ASB10: variants seen among roughly 807,000 people sequenced by gnomAD.
ASB10 encodes the protein ankyrin repeat and SOCS box containing 10.
ASB10 carries 44 observed loss-of-function variants against 35.4 expected under a neutral mutation model. The ratio of observed to expected loss-of-function variants is 1.24; its 90% CI spans 0.98 to 1.60. The LOEUF is 1.60. ASB10 is among the 40% of genes most tolerant of loss of function. The probability of loss-of-function intolerance (pLI) is 0.00; values close to 1 mark genes in which losing one functional copy is unlikely to be tolerated. For synonymous variants in ASB10, 294 were observed against 280.4 expected (o/e 1.05, Z -0.49); for missense variants, 647 against 634.3 (o/e 1.02, Z -0.22).
Position 151,181,307 on chromosome 7 carries a change from C to T in ASB10, c.736G>A (p.Ala246Thr), listed in dbSNP as rs1801487018. The T allele has an allele frequency of 1.4e-5, 23 of 1,613,246 alleles. No individual in the cohort carries two copies. The highest frequency in any genetic ancestry group is 1.9e-5 in the Non-Finnish European group (23 of 1,180,012). ...RRGACPDARN[A>T]EGWTPLLAAC... is the part of the protein sequence containing the mutation. ...GCCAGCAGTGGGGTCCAGCCTTCGGCATTGCGGGCATCAGGACATGCCCCC... is the reference window on the plus strand; with the variant it reads ...GCCAGCAGTGGGGTCCAGCCTTCGGTATTGCGGGCATCAGGACATGCCCCC... The change falls in exon 3 of 6, where the codon GCC becomes ACC. Residue 246 changes from alanine to threonine, a missense_variant. Physicochemically the swap from Ala to Thr is moderately conservative, Grantham distance 58. Coordinates refer to ENST00000420175, the MANE Select transcript of ASB10 (RefSeq NM_001142459.2).
rs61743170 is a variant in ASB10, at chr7:151,181,245, G to C, written c.798C>G (p.Ala266=). The change falls in exon 3 of 6, where the codon GCC becomes GCG. Residue 266 remains alanine (A), a synonymous_variant. Coordinates refer to ENST00000420175, the MANE Select transcript of ASB10 (RefSeq NM_001142459.2). ...GCAGGCAGCGGGCGGTGGTGGCCTC[G>C]GCATCGGTGATGGACTGGCAGCGGA... ...CDVRCQSITD[A]EATTARCLQL... is the part of the protein sequence containing the mutation. 5.0e-6 allele frequency: 8 copies of C among 1,613,042 alleles called. No individual in the cohort carries two copies. The highest frequency in any genetic ancestry group is 5.1e-6 in the Non-Finnish European group (6 of 1,179,964).
In ASB10 at chr7:151,176,176, C is replaced by T. The variant is rs530437373; in HGVS notation, c.1340G>A (p.Arg447His). 105 of 1,611,382 alleles carry T rather than the reference C, an allele frequency of 6.5e-5. 1 individual carries two copies. The South Asian group carries it at 1.1e-3, about 16-fold the overall frequency. Reference sequence around the variant, plus strand: ...GAGCAGGCGCGGTGGCAGGGGGAGGCGGGGCAGCGCTTGGGGCAGGCTGCC... The same window carrying T: ...GAGCAGGCGCGGTGGCAGGGGGAGGTGGGGCAGCGCTTGGGGCAGGCTGCC... ...LEGSLPQALPRLPLPPRLLRY... is the reference protein window; with the variant it reads ...LEGSLPQALPHLPLPPRLLRY... The change falls in exon 5 of 6, where the codon CGC becomes CAC. Residue 447 changes from arginine (R) to histidine (H), a missense_variant. By Grantham distance (29) the Arg-to-His change is conservative. Coordinates refer to ENST00000420175, the MANE Select transcript of ASB10 (RefSeq NM_001142459.2).
At position 151,181,555 on chromosome 7, in the gene ASB10, C is replaced by T. The variant is rs1801495373; in HGVS notation, c.585-97G>A. Reference sequence around the variant, plus strand: ...TTGGTTCTGTCTCCCCCCACCCACCCTCCATCCTGCCCATCACTGGTCATC... The same window carrying T: ...TTGGTTCTGTCTCCCCCCACCCACCTTCCATCCTGCCCATCACTGGTCATC... On this transcript the variant is annotated intron_variant, in intron 2 of 5. Coordinates refer to ENST00000420175, the MANE Select transcript of ASB10 (RefSeq NM_001142459.2). The T allele has an allele frequency of 2.8e-6, 4 of 1,443,104 alleles. No individual in the cohort carries two copies. The East Asian group carries it at 7.5e-5, about 27-fold the overall frequency. The allele number at this position is 1,443,104 out of a possible 1,614,324, so 89.4% of individuals were successfully genotyped here. A position where few individuals can be genotyped will look rare whatever the true frequency, so the allele number is the denominator to read the frequency against.
At chr7:151,176,496 C>T (rs1194178455) in intron 4 of ASB10, 67 bp downstream of exon 4, 46 of 1,496,232 alleles carry the variant, frequency 3.1e-5, no homozygotes, top group Non-Finnish European at 4.0e-5. Flanking sequence ...TGGGGGGCTG[C>T]GGTTTAGCGG....
At chr7:151,184,401 A>T (rs1282190403) in intron 2 of ASB10, among the ~76,000 whole-genome samples, 2 of 50,138 alleles carry the variant, frequency 4.0e-5, no homozygotes, top group East Asian at 5.2e-4. Flanking sequence ...CGACAGAGTA[A>T]AAAAAAAAAA....
chr7:151,181,224 G>T lies in ASB10; in HGVS notation c.819C>A (p.Cys273Ter). The T allele has an allele frequency of 6.2e-7, 1 of 1,612,960 alleles. No homozygotes were observed. Among genetic ancestry groups the T allele is most frequent in the South Asian group, 1.1e-5 (1 of 91,066 alleles). The part of the protein sequence containing the change: ...ITDAEATTAR[C>*]LQLCSLLLSA... ...AAAGCAGCAAGCTGCACAGCTGCAGGCAGCGGGCGGTGGTGGCCTCGGCAT... is the reference window on the plus strand; with the variant it reads ...AAAGCAGCAAGCTGCACAGCTGCAGTCAGCGGGCGGTGGTGGCCTCGGCAT... Residue 273 changes from cysteine (C) to a stop codon, truncating the protein, a stop_gained, in exon 3 of 6, where the codon TGC becomes TGA. Coordinates refer to ENST00000420175, the MANE Select transcript of ASB10 (RefSeq NM_001142459.2). LOFTEE classifies it high-confidence loss of function.
In ASB10 at chr7:151,181,392, G is replaced by A. The variant is rs149386099; in HGVS notation, c.651C>T (p.Thr217=). 1.1e-5 allele frequency: 17 copies of A among 1,612,624 alleles called. No homozygotes were observed. In the African/African-American group the frequency reaches 2.1e-4, roughly 20 times the overall value. Reference sequence around the variant, plus strand: ...CAAGCCGGGCGGCCACATGCAAAGGGGTCTCCTCTTCTTCCTCGGACCGAC... The same window carrying A: ...CAAGCCGGGCGGCCACATGCAAAGGAGTCTCCTCTTCTTCCTCGGACCGAC... ...VDGRSEEEEE[T]PLHVAARLGH... Residue 217 remains threonine (T), a synonymous_variant, in exon 3 of 6, where the codon ACC becomes ACT. Coordinates refer to ENST00000420175, the MANE Select transcript of ASB10 (RefSeq NM_001142459.2).
Position 151,176,827 on chromosome 7 carries a change from T to C in ASB10, c.1105-151A>G, listed in dbSNP as rs181916714. On this transcript the variant is annotated intron_variant, in intron 3 of 5. Coordinates refer to ENST00000420175, the MANE Select transcript of ASB10 (RefSeq NM_001142459.2). Reference sequence around the variant, plus strand: ...CTATGAATGGGACCTTATTTGGAAATAGGGTCTTTGCAAATGTTAATCAGG... The same window carrying C: ...CTATGAATGGGACCTTATTTGGAAACAGGGTCTTTGCAAATGTTAATCAGG... Among the ~76,000 whole-genome samples the C allele has an allele frequency of 3.3e-5, 5 of 152,300 alleles. No individual in the cohort carries two copies. The East Asian group carries it at 5.8e-4, about 18-fold the overall frequency.
chr7:151,184,550 A>G (rs1801552089), intron 2 of ASB10, among the ~76,000 whole-genome samples: 1 of 152,194 alleles, frequency 6.6e-6, no homozygotes, highest in Non-Finnish European at 1.5e-5. Flanking sequence ...GTTCACATTC[A>G]GAGACAGAAA....
chr7:151,184,228 A>G (rs28896252), intron 2 of ASB10, among the ~76,000 whole-genome samples: 2,988 of 152,006 alleles, frequency 0.02, 103 homozygotes, highest in African/African-American at 0.067. Context: ...CCTGGCTAAC[A>G]CGGTGAAACC....
Position 151,175,820 on chromosome 7 carries a change from T to A in ASB10, c.*147A>T, listed in dbSNP as rs1231697306. 1 of 437,442 alleles carries A rather than the reference T, an allele frequency of 2.3e-6. No individual in the cohort carries two copies. The highest frequency in any genetic ancestry group is 3.9e-5 in the East Asian group (1 of 25,330). 27.1% of individuals were successfully genotyped at this position (437,442 alleles called of 1,614,324 possible). On this transcript the variant is annotated 3_prime_UTR_variant, in exon 6 of 6. Transcript: ENST00000420175. Reference sequence around the variant, plus strand: ...ACCCGGCTGCCGCTGTCGGTCCGCTTCTCTGCATTGGGAATTGCAGCATCC... The same window carrying A: ...ACCCGGCTGCCGCTGTCGGTCCGCTACTCTGCATTGGGAATTGCAGCATCC...
chr7:151,176,084 G>A (rs1801379896), intron 5 of ASB10, 28 bp downstream of exon 5: 2 of 1,606,540 alleles, frequency 1.2e-6, no homozygotes, highest in African/African-American at 1.3e-5. Flanking sequence ...CCAAGCAGCT[G>A]TGACTGCTCA....
At chr7:151,180,149 G>A (rs1334681193) in intron 3 of ASB10, among the ~76,000 whole-genome samples, 3 of 152,180 alleles carry the variant, frequency 2.0e-5, no homozygotes, top group Non-Finnish European at 4.4e-5. Context: ...CTCTGAGAAC[G>A]GATGTCCCCA....
Position 151,181,338 on chromosome 7 carries a change from T to C in ASB10, c.705A>G (p.Leu235=). ...LGHVELADLL[L]RRGACPDARN... The stretch of plus-strand genomic sequence containing the variant: ...GGGCATCAGGACATGCCCCCCGTCT[T>C]AGAAGCAGATCTGCCAGCTCCACAT... The change falls in exon 3 of 6, where the codon CTA becomes CTG. Residue 235 remains leucine, a synonymous_variant. Coordinates refer to ENST00000420175, the MANE Select transcript of ASB10 (RefSeq NM_001142459.2). 1.2e-6 allele frequency: 2 copies of C among 1,613,182 alleles called. No individual in the cohort carries two copies. The highest frequency in any genetic ancestry group is 8.5e-7 in the Non-Finnish European group (1 of 1,179,970).
Position 151,186,841 on chromosome 7 carries a change from T to C in ASB10, c.290A>G (p.Asp97Gly), listed in dbSNP as rs986185189. The C allele has an allele frequency of 2.5e-6, 4 of 1,605,186 alleles. No individual in the cohort carries two copies. The highest frequency in any genetic ancestry group is 1.1e-5 in the South Asian group (1 of 90,320). Residue 97 changes from aspartate (D) to glycine (G), a missense_variant, in exon 1 of 6, where the codon GAT (aspartate) becomes GGT (glycine). By Grantham distance (94) the Asp-to-Gly change is moderately conservative (BLOSUM62 -1). Coordinates refer to ENST00000420175, the MANE Select transcript of ASB10 (RefSeq NM_001142459.2). Reference sequence around the variant, plus strand: ...CAGAGCACGGATGTTGAAGCGGAAATCCCTCCATCGCTCTGGGTCGCTGGT... The same window carrying C: ...CAGAGCACGGATGTTGAAGCGGAAACCCCTCCATCGCTCTGGGTCGCTGGT... ...FDTSDPERWR[D>G]FRFNIRALRL...
intron 3 of ASB10, among the ~76,000 whole-genome samples, chr7:151,179,767 C>A (rs1470002316): frequency 6.6e-6 from 1 of 152,174 alleles, no homozygotes; most frequent in Non-Finnish European, 1.5e-5. Context: ...ACCCAGGAAA[C>A]CCTTTCGCTG....
rs866999963 is a variant in ASB10, at chr7:151,187,124, T to A, written c.7A>T (p.Met3Leu). 2 of 1,585,980 alleles carry A rather than the reference T, an allele frequency of 1.3e-6. No homozygotes were observed. The highest frequency in any genetic ancestry group is 1.7e-4 in the Middle Eastern group (1 of 6,034). ...TTGCACTCTTCTGGAGACCAACTCA[T>A]GAGCATGTGGGCAGGGAAAGGGGAG... The part of the protein sequence containing the change: ML[M>L]SWSPEECKGQ... Residue 3 changes from methionine to leucine, a missense_variant, in exon 1 of 6, where the codon ATG becomes TTG. Met to Leu is a conservative substitution (Grantham distance 15). Transcript: ENST00000420175. The surrounding 1 kb of genome is among the most constrained non-coding windows in gnomAD (Gnocchi z 5.3).
At position 151,175,757 on chromosome 7, in the gene ASB10, A is replaced by C. The variant is rs1462992222; in HGVS notation, c.*210T>G. On this transcript the variant is annotated 3_prime_UTR_variant, in exon 6 of 6. Coordinates refer to ENST00000420175, the MANE Select transcript of ASB10 (RefSeq NM_001142459.2). ...TTTGCACAGGCTAGAAGGGGGCCTC[A>C]GGAGAGCCCCAGTAGGAGTGTGTCT... is the stretch of plus-strand genomic sequence containing the variant. 7.2e-6 allele frequency: 2 copies of C among 276,034 alleles called. No individual in the cohort carries two copies. Among genetic ancestry groups the C allele is most frequent in the Non-Finnish European group, 1.4e-5 (2 of 145,154 alleles). The allele number at this position is 276,034 out of a possible 1,614,324, so 17.1% of individuals were successfully genotyped here. A position where few individuals can be genotyped will look rare whatever the true frequency, so the allele number is the denominator to read the frequency against.
chr7:151,176,801 C>A, intron 3 of ASB10, 125 bp from the exon 4 acceptor site: 1 of 652,700 alleles, frequency 1.5e-6, no homozygotes, highest in South Asian at 2.0e-5. Flanking sequence ...TCCCCCTGTA[C>A]CTATGAATGG....
Sources: gnomAD v4.1 joint callset for allele counts (sites outside exome capture counted in the v4.1 genomes callset) on GRCh38, gnomAD v4.1.1 for gene constraint, Gnocchi (gnomAD v3.1) non-coding constraint, MANE v1.5 for transcripts, NCBI Gene and HGNC (gene_info 2026-07-23, HGNC 2026-07-21) for gene names.